Variants in ANKRD36B observed in about 807,000 individuals in gnomAD.
ANKRD36B encodes ankyrin repeat domain 36B.
ANKRD36B carries 37 observed loss-of-function variants against 135.7 expected under a neutral mutation model. The ratio of observed to expected loss-of-function variants is 0.27; its 90% CI spans 0.21 to 0.36. The LOEUF (loss-of-function observed/expected upper bound fraction) is 0.36. ANKRD36B is among the 10% of genes least tolerant of loss of function. The probability of loss-of-function intolerance (pLI) is 1.00; values close to 1 mark genes in which losing one functional copy is unlikely to be tolerated. For missense variants in ANKRD36B, 549 were observed against 1,037.1 expected (o/e 0.53, Z 6.46); for synonymous variants, 179 against 348.1 (o/e 0.51, Z 5.41).
chr2:97,549,851 AAAACT>A (rs1259081752), intron 18 of ANKRD36B, among the ~76,000 whole-genome samples: 3 of 151,968 alleles, frequency 2.0e-5, no homozygotes, highest in Non-Finnish European at 4.4e-5. Context: ...TCATATGTCA[AAAACT>A]AAACTAAAAC....
At chr2:97,578,681 T>C (rs1426440796) in intron 5 of ANKRD36B, among the ~76,000 whole-genome samples, 1 of 152,026 alleles carries the variant, frequency 6.6e-6, no homozygotes, top group Admixed American at 6.6e-5. Context: ...GTCCTGAAAG[T>C]TTCAATATCA....
intron 11 of ANKRD36B, 37 bp from the exon 12 acceptor site, chr2:97,557,046 T>C (rs965410991): frequency 3.2e-6 from 5 of 1,547,604 alleles, no homozygotes; most frequent in African/African-American, 2.8e-5. Flanking sequence ...CAATACATAA[T>C]ATATATTTCA....
chr2:97,558,809 T>C lies in ANKRD36B; in HGVS notation c.957A>G (p.Gln319=). 1 of 1,611,560 alleles carries C rather than the reference T, an allele frequency of 6.2e-7. No individual in the cohort carries two copies. The highest frequency in any genetic ancestry group is 8.5e-7 in the Non-Finnish European group (1 of 1,178,692). Residue 319 remains glutamine, a synonymous_variant, in exon 10 of 44, where the codon CAA becomes CAG. Transcript: ENST00000359901. ...NIATEIKEGQ[Q]SGTVSPQKQS... is the part of the protein sequence containing the mutation. ...GTTTTGCAAAATTACCTGTCCCAGA[T>C]TGTTGTCCCTCCTTTATTTCTGTGG...
At chr2:97,575,918 CA>C (rs1485409986) in intron 6 of ANKRD36B, among the ~76,000 whole-genome samples, 3 of 151,810 alleles carry the variant, frequency 2.0e-5, no homozygotes, top group African/African-American at 7.3e-5. Flanking sequence ...ATATATATAA[CA>C]TACCAAATAT....
At chr2:97,564,260 C>T (rs761094925) in intron 6 of ANKRD36B, among the ~76,000 whole-genome samples, 2 of 152,076 alleles carry the variant, frequency 1.3e-5, no homozygotes, top group Non-Finnish European at 2.9e-5. Flanking sequence ...GAATGACTGT[C>T]TTAAAGGCTA....
At chr2:97,551,562 C>A (rs2080071969) in intron 16 of ANKRD36B, 82 bp from the exon 17 acceptor site, 2 of 1,586,788 alleles carry the variant, frequency 1.3e-6, no homozygotes, top group Middle Eastern at 2.3e-4. Flanking sequence ...TTTGTATCAA[C>A]CTCTGTCCTC....
chr2:97,545,630 G>C, intron 24 of ANKRD36B, 36 bp downstream of exon 24: 1 of 909,630 alleles, frequency 1.1e-6, no homozygotes, highest in Non-Finnish European at 1.7e-6. Flanking sequence ...CTTCTATCTT[G>C]AACGAACATC....
At chr2:97,506,757 A>G (rs1226257589) in intron 43 of ANKRD36B, among the ~76,000 whole-genome samples, 1 of 91,616 alleles carries the variant, frequency 1.1e-5, no homozygotes, top group Non-Finnish European at 3.5e-5. Context: ...CTGATAGTCT[A>G]TAGGGGTGGC....
chr2:97,580,352 A>C (rs1043181023), intron 4 of ANKRD36B, 110 bp downstream of exon 4: 9 of 960,648 alleles, frequency 9.4e-6, no homozygotes, highest in Non-Finnish European at 1.3e-5. Flanking sequence ...TATCCCAGTA[A>C]TTAAAAGTTA....
rs200751592 is a variant in ANKRD36B, at chr2:97,553,353, T to G, written c.1190A>C (p.Gln397Pro). 5.8e-5 allele frequency: 93 copies of G among 1,609,594 alleles called. 1 individual carries two copies. In the African/African-American group the frequency reaches 7.4e-4, roughly 13 times the overall value. Residue 397 changes from glutamine (Q) to proline (P), a missense_variant, in exon 15 of 44, where the codon CAA (glutamine) becomes CCA (proline). Gln to Pro is a moderately conservative substitution (Grantham distance 76). Transcript: ENST00000359901. The stretch of plus-strand genomic sequence containing the variant: ...TGAGAGTTCAATTACCTTCAAGGCT[T>G]GTTGTTTCTGAGAAGACACTGAAAA... Reference protein sequence around the residue: ...QCGTVSSQKQQALKATTDEEG... With the variant: ...QCGTVSSQKQPALKATTDEEG...
At chr2:97,580,356 A>C (rs56034764) in intron 4 of ANKRD36B, 106 bp downstream of exon 4, 2 of 1,004,460 alleles carry the variant, frequency 2.0e-6, no homozygotes, top group South Asian at 3.6e-5. Flanking sequence ...CCAGTAATTA[A>C]AAGTTAGTCT....
rs2078967156 is a variant in ANKRD36B, at chr2:97,537,836, C to G, written c.2089+332G>C. Among the ~76,000 whole-genome samples the G allele has an allele frequency of 2.1e-5, 2 of 96,584 alleles. 1 individual carries two copies. Among genetic ancestry groups the G allele is most frequent in the Non-Finnish European group, 5.5e-5 (2 of 36,334 alleles). 63.4% of individuals were successfully genotyped at this position (96,584 alleles called of 152,430 possible). A position where few individuals can be genotyped will look rare whatever the true frequency, so the allele number is the denominator to read the frequency against. ...CATCTATAATTTCTATTACTTTTTT[C>G]TCTTTCTCCTTCCCCTTTCCATAGA... On this transcript the variant is annotated intron_variant, in intron 32 of 43. Transcript: ENST00000359901.
At chr2:97,531,218 A>C (rs370770511) in intron 35 of ANKRD36B, among the ~76,000 whole-genome samples, 1 of 90,176 alleles carries the variant, frequency 1.1e-5, no homozygotes, top group African/African-American at 3.3e-5. Flanking sequence ...ATGGAATACT[A>C]TGCAGCCATA....
intron 12 of ANKRD36B, 135 bp from the exon 13 acceptor site, chr2:97,555,389 T>A (rs1401081574): frequency 7.5e-7 from 1 of 1,341,508 alleles, no homozygotes; most frequent in Non-Finnish European, 1.0e-6. Flanking sequence ...GTCTGGGGAC[T>A]GGAACATGAC....
chr2:97,553,026 C>G, intron 16 of ANKRD36B, 142 bp downstream of exon 16: 1 of 1,009,296 alleles, frequency 9.9e-7, no homozygotes, highest in East Asian at 2.6e-5. Context: ...TAATTTATTA[C>G]AAATGAAGAC....
Position 97,551,322 on chromosome 2 carries a change from T to C in ANKRD36B, c.1342A>G (p.Arg448Gly). The change falls in exon 18 of 44, where the codon AGA becomes GGA. Residue 448 changes from arginine (R) to glycine (G), a missense_variant. Transcript: ENST00000359901. The part of the protein sequence containing the change: ...DEKDSFSNIT[R>G]EKKDGEISRT... ...GATATTTCTCCATCCTTTTTTTCTCTGGTTATATTCGAAAAAGAATCTTTC... is the reference window on the plus strand; with the variant it reads ...GATATTTCTCCATCCTTTTTTTCTCCGGTTATATTCGAAAAAGAATCTTTC... The C allele has an allele frequency of 6.3e-7, 1 of 1,579,020 alleles. No individual in the cohort carries two copies. The highest frequency in any genetic ancestry group is 8.6e-7 in the Non-Finnish European group (1 of 1,165,224).
rs1365558500 is a variant in ANKRD36B at position 97,585,132 on chromosome 2, C to A, written c.277-15G>T. 1.2e-6 allele frequency: 2 copies of A among 1,613,670 alleles called. No individual in the cohort carries two copies. Among genetic ancestry groups the A allele is most frequent in the Admixed American group, 3.3e-5 (2 of 59,968 alleles). On this transcript the variant is annotated splice_polypyrimidine_tract_variant and intron_variant, in intron 2 of 43. Transcript: ENST00000359901. ...AGTTGTACAGCCTGTCAGTATTAGA[C>A]CGAGAAACATGCAAATACTGAAAAA...
rs1299931373 is a variant in ANKRD36B at position 97,528,974 on chromosome 2, T to C, written c.2265+3337A>G. Among the ~76,000 whole-genome samples the C allele has an allele frequency of 1.7e-4, 16 of 96,082 alleles. 5 individuals are homozygous for C. Among genetic ancestry groups the C allele is most frequent in the African/African-American group, 3.7e-4 (12 of 32,070 alleles). 63.0% of individuals were successfully genotyped at this position (96,082 alleles called of 152,430 possible). On this transcript the variant is annotated intron_variant, in intron 35 of 43. Coordinates refer to ENST00000359901, the MANE Select transcript of ANKRD36B (RefSeq NM_001393939.1). ...ATTCACAGTCGCATTCTACCAGAGG[T>C]ACAAGGAGGAACTGGTACCATTCCT...
intron 6 of ANKRD36B, among the ~76,000 whole-genome samples, chr2:97,565,233 T>A (rs2081342538): frequency 6.6e-6 from 1 of 152,138 alleles, no homozygotes; most frequent in Admixed American, 6.6e-5. Flanking sequence ...TATGAGGAAG[T>A]TGCTTATCAG....
Sources: allele counts gnomAD v4.1 joint callset (sites outside exome capture counted in the v4.1 genomes callset), GRCh38; gene constraint gnomAD v4.1.1; transcripts MANE v1.5; gene names NCBI Gene and HGNC (gene_info 2026-07-23, HGNC 2026-07-21).